The following RPRD1A variants were observed in gnomAD, a reference collection of about 807,000 sequenced individuals.
RPRD1A encodes the protein regulation of nuclear pre-mRNA domain containing 1A.
RPRD1A carries 9 observed loss-of-function variants against 37.8 expected under a neutral mutation model. That is an observed-to-expected ratio of 0.24 (90% CI 0.14 to 0.42). The LOEUF (loss-of-function observed/expected upper bound fraction) is 0.42, where lower values mean the gene tolerates loss of function less well. Among genes scored for constraint, RPRD1A ranks in the 10% least tolerant of loss-of-function variants. The pLI is 1.00. For synonymous variants in RPRD1A, 138 were observed against 139.7 expected (o/e 0.99, Z 0.08); for missense variants, 255 against 371.0 (o/e 0.69, Z 2.57).
chr18:36,056,285 G>T (rs1913761069), intron 1 of RPRD1A, among the ~76,000 whole-genome samples: 1 of 151,774 alleles, frequency 6.6e-6, no homozygotes, highest in Non-Finnish European at 1.5e-5. Flanking sequence ...CAGCCTTTTG[G>T]GTTTTTGTGT....
intron 3 of RPRD1A, 22 bp from the exon 4 acceptor site, chr18:36,030,927 G>A (rs781288394): frequency 2.5e-6 from 4 of 1,599,940 alleles, no homozygotes; most frequent in Non-Finnish European, 3.4e-6. Flanking sequence ...GAACATTTAA[G>A]TATTAATGAA....
chr18:36,034,602 A>G (rs1441584642), intron 1 of RPRD1A, among the ~76,000 whole-genome samples: 1 of 152,210 alleles, frequency 6.6e-6, no homozygotes, highest in Non-Finnish European at 1.5e-5. Context: ...ATTTTATACT[A>G]TTCTTATATT....
intron 6 of RPRD1A, among the ~76,000 whole-genome samples, chr18:36,008,577 G>GTGTGTGTGTGTA: frequency 8.4e-5 from 4 of 47,800 alleles, no homozygotes; most frequent in Non-Finnish European, 1.3e-4. Context: ...CCTTGTGTGT[G>GTGTGTGTGTGTA]TATATATATA....
intron 6 of RPRD1A, among the ~76,000 whole-genome samples, chr18:35,993,912 C>G (rs533201442): frequency 1.3e-5 from 2 of 152,328 alleles, no homozygotes; most frequent in East Asian, 1.9e-4. Flanking sequence ...GTCCAGCCCC[C>G]ACTCCTGGAA....
intron 1 of RPRD1A, chr18:36,040,984 A>G: frequency 3.5e-6 from 2 of 568,716 alleles, no homozygotes; most frequent in Non-Finnish European, 5.9e-6. Flanking sequence ...GTGGAAAAAA[A>G]GAATTCCCCA....
intron 1 of RPRD1A, 55 bp downstream of exon 1, chr18:36,067,199 G>T: frequency 6.6e-7 from 1 of 1,504,916 alleles, no homozygotes; most frequent in Non-Finnish European, 8.9e-7. Context: ...GTTCCCGGGG[G>T]CGCCTGGAGG....
chr18:36,042,666 A>G (rs1322923377), intron 1 of RPRD1A, among the ~76,000 whole-genome samples: 2 of 152,212 alleles, frequency 1.3e-5, no homozygotes, highest in East Asian at 1.9e-4. Context: ...ACCTATAGAA[A>G]AACAGTCAAG....
intron 1 of RPRD1A, among the ~76,000 whole-genome samples, chr18:36,065,760 T>G (rs79902824): frequency 6.6e-6 from 1 of 152,182 alleles, no homozygotes; most frequent in Non-Finnish European, 1.5e-5. Context: ...TTTTGCCAAA[T>G]TGATGAACAT....
chr18:36,046,887 TAA>T (rs140735259), intron 1 of RPRD1A, among the ~76,000 whole-genome samples: 5 of 131,870 alleles, frequency 3.8e-5, no homozygotes, highest in Admixed American at 1.5e-4. Context: ...ATGCATCCAC[TAA>T]AAAAAAAAAA....
At chr18:36,019,540 T>TA (rs1412237983) in intron 6 of RPRD1A, among the ~76,000 whole-genome samples, 1 of 152,222 alleles carries the variant, frequency 6.6e-6, no homozygotes, top group East Asian at 1.9e-4. Context: ...GACAACCACT[T>TA]AGACAGGGGT....
intron 6 of RPRD1A, among the ~76,000 whole-genome samples, chr18:36,005,856 C>T (rs1160284822): frequency 1.3e-5 from 2 of 151,818 alleles, no homozygotes; most frequent in Admixed American, 6.6e-5. Flanking sequence ...GTGTTTTTTT[C>T]TTTTTTTTAC....
intron 1 of RPRD1A, among the ~76,000 whole-genome samples, chr18:36,063,792 A>T (rs1480859576): frequency 6.6e-6 from 1 of 152,216 alleles, no homozygotes; most frequent in Non-Finnish European, 1.5e-5. Flanking sequence ...ACCCTGCAAA[A>T]GCAGTCATCT....
At chr18:36,066,003 A>G (rs971778327) in intron 1 of RPRD1A, among the ~76,000 whole-genome samples, 1 of 152,222 alleles carries the variant, frequency 6.6e-6, no homozygotes, top group African/African-American at 2.4e-5. Flanking sequence ...CCGATTCTGA[A>G]ATCTAGTAAA....
intron 1 of RPRD1A, among the ~76,000 whole-genome samples, chr18:36,040,459 A>G (rs138748345): frequency 0.013 from 1,919 of 152,336 alleles, 8 homozygotes; most frequent in Middle Eastern, 0.02. Flanking sequence ...AATGAAGTGT[A>G]AAGTTGCAAA....
intron 6 of RPRD1A, chr18:36,025,410 G>C (rs1004043356): frequency 1.5e-5 from 5 of 323,538 alleles, no homozygotes; most frequent in Non-Finnish European, 2.4e-5. Context: ...AAATGTGGCT[G>C]GAAGGCACTG....
Position 36,030,687 on chromosome 18 carries a change from T to C in RPRD1A, c.486+121A>G, listed in dbSNP as rs1161036101. The C allele has an allele frequency of 4.8e-6, 3 of 618,970 alleles. No homozygotes were observed. In the African/African-American group the frequency reaches 5.6e-5, roughly 11 times the overall value. 38.3% of individuals were successfully genotyped at this position (618,970 alleles called of 1,614,324 possible). On this transcript the variant is annotated intron_variant, in intron 4 of 6. Transcript: ENST00000399022. The stretch of plus-strand genomic sequence containing the variant: ...AATGAGGAAGAGATATTCATGTGGC[T>C]TCTTTCTTGTACCTAAAAGTATAAT...
chr18:36,014,921 A>G (rs925050351), intron 6 of RPRD1A, among the ~76,000 whole-genome samples: 1 of 152,270 alleles, frequency 6.6e-6, no homozygotes, highest in East Asian at 1.9e-4. Context: ...TAGGATAGCT[A>G]CTATCAACAA....
chr18:36,048,008 C>T (rs1001992529), intron 1 of RPRD1A, among the ~76,000 whole-genome samples: 1 of 151,080 alleles, frequency 6.6e-6, no homozygotes, highest in Non-Finnish European at 1.5e-5. Flanking sequence ...GACACAGCAT[C>T]CAAAAAAGGA....
intron 6 of RPRD1A, among the ~76,000 whole-genome samples, chr18:36,001,525 T>C (rs984967487): frequency 2.6e-5 from 4 of 152,222 alleles, no homozygotes; most frequent in African/African-American, 4.8e-5. Flanking sequence ...TAATCTGGTG[T>C]TTCCCAAATT....
Sources: allele counts gnomAD v4.1 joint callset (sites outside exome capture counted in the v4.1 genomes callset), GRCh38; gene constraint gnomAD v4.1.1; transcripts MANE v1.5; gene names NCBI Gene and HGNC (gene_info 2026-07-23, HGNC 2026-07-21).